The following KIF5A variants were observed in gnomAD, a reference collection of about 807,000 sequenced individuals.
KIF5A encodes kinesin heavy chain isoform 5A.
A neutral mutation model predicts 141.3 loss-of-function variants in KIF5A; 35 were observed. The observed-to-expected ratio is 0.25, with a 90% CI of 0.19 to 0.33. KIF5A has a LOEUF of 0.33. KIF5A is among the 10% of genes least tolerant of loss of function. The pLI is 1.00. For synonymous variants in KIF5A, 448 were observed against 500.2 expected, an observed-to-expected ratio of 0.90 and a Z score of 1.39; for missense variants, 861 against 1,314.3, an observed-to-expected ratio of 0.66 and a Z score of 5.33.
chr12:57,552,491 T>C (rs918457399), intron 1 of KIF5A, among the ~76,000 whole-genome samples: 8 of 152,214 alleles, frequency 5.3e-5, no homozygotes, highest in Admixed American at 5.2e-4. Flanking sequence ...TCCCTCACCC[T>C]AGCCCTCCCT....
Position 57,550,470 on chromosome 12 carries a change from T to G in KIF5A, c.129+70T>G. 1 of 1,542,290 alleles carries G rather than the reference T, an allele frequency of 6.5e-7. No homozygotes were observed. The highest frequency in any genetic ancestry group is 8.9e-7 in the Non-Finnish European group (1 of 1,119,992). On this transcript the variant is annotated intron_variant, in intron 1 of 28. Coordinates refer to ENST00000455537, the MANE Select transcript of KIF5A (RefSeq NM_004984.4). The surrounding 1 kb of genome is among the most constrained non-coding windows in gnomAD (Gnocchi z 4.6). ...GAATCTCCCCGCCCCCCGCAGAGCC[T>G]TAGTCTCTGCTGGTCCCTTTGCTCC...
Position 57,572,877 on chromosome 12 carries a change from T to C in KIF5A, c.1716+151T>C. On this transcript the variant is annotated intron_variant, in intron 15 of 28. Transcript: ENST00000455537. This position sits in a 1 kb window ranked among gnomAD's most constrained non-coding sequence, Gnocchi z 4.2. ...AGACCCAGGAAGACAGGTAGAGGCT[T>C]GTATAGACCCAATTGAAAAGATACA... is the stretch of plus-strand genomic sequence containing the variant. 2 of 952,564 alleles carry C rather than the reference T, an allele frequency of 2.1e-6. No homozygotes were observed. The highest frequency in any genetic ancestry group is 3.7e-5 in the Admixed American group (2 of 53,968). 59.0% of individuals were successfully genotyped at this position (952,564 alleles called of 1,614,324 possible). A position where few individuals can be genotyped will look rare whatever the true frequency, so the allele number is the denominator to read the frequency against.
intron 23 of KIF5A, among the ~76,000 whole-genome samples, chr12:57,578,899 A>C (rs185088300): frequency 2.7e-3 from 415 of 152,236 alleles, no homozygotes; most frequent in Non-Finnish European, 4.4e-3. Context: ...CCCCATCTCT[A>C]CAAAAAATAC....
chr12:57,559,490 T>C (rs943596735), intron 1 of KIF5A, among the ~76,000 whole-genome samples: 6 of 152,190 alleles, frequency 3.9e-5, no homozygotes, highest in African/African-American at 1.4e-4. Context: ...TAATATATTT[T>C]AACATTTAGG....
At position 57,550,812 on chromosome 12, in the gene KIF5A, G is replaced by C. The variant is rs1881548721; in HGVS notation, c.129+412G>C. ...GGAAGGTAAGGCGGAAGACTTTTGG[G>C]TGGATTAGATGGGAGGTGAGCAGTC... is the stretch of plus-strand genomic sequence containing the variant. On this transcript the variant is annotated intron_variant, in intron 1 of 28. Coordinates refer to ENST00000455537, the MANE Select transcript of KIF5A (RefSeq NM_004984.4). The surrounding 1 kb of genome is among the most constrained non-coding windows in gnomAD (Gnocchi z 4.6). 6.6e-6 allele frequency among the ~76,000 whole-genome samples: 1 copy of C among 152,202 alleles called. No individual in the cohort carries two copies. The highest frequency in any genetic ancestry group is 1.9e-4 in the East Asian group (1 of 5,200).
intron 13 of KIF5A, 137 bp downstream of exon 13, chr12:57,571,526 G>C: frequency 2.5e-6 from 2 of 793,898 alleles, no homozygotes; most frequent in Admixed American, 4.8e-5. Context: ...AACAGCAGAA[G>C]TCTGGGAACC....
In KIF5A at chr12:57,564,991, G is replaced by A. The variant is rs2140159719; in HGVS notation, c.501+18G>A. On this transcript the variant is annotated intron_variant, in intron 6 of 28. Transcript: ENST00000455537. ...TTGTCAAGGTGAGAGTGGGTGTGGG[G>A]CACCTATGTGGGGCCAGTGTATTGA... 6.2e-7 allele frequency: 1 copy of A among 1,611,882 alleles called. No individual in the cohort carries two copies. The highest frequency in any genetic ancestry group is 8.5e-7 in the Non-Finnish European group (1 of 1,177,944).
At chr12:57,576,493 A>G in intron 19 of KIF5A, 115 bp downstream of exon 19, 1 of 839,428 alleles carries the variant, frequency 1.2e-6, no homozygotes, top group Non-Finnish European at 2.0e-6. Context: ...TTCCCTCAAC[A>G]ATGCCACAAC....
intron 19 of KIF5A, 60 bp downstream of exon 19, chr12:57,576,438 C>T: frequency 2.4e-6 from 3 of 1,258,808 alleles, no homozygotes; most frequent in Non-Finnish European, 3.5e-6. Flanking sequence ...GCTGTATTGA[C>T]TCACATGTCC....
At chr12:57,576,246 G>A in intron 18 of KIF5A, 23 bp from the exon 19 acceptor site, 1 of 1,613,396 alleles carries the variant, frequency 6.2e-7, no homozygotes, top group Non-Finnish European at 8.5e-7. Context: ...TGGCCTTTGA[G>A]CTTGGGGTGG....
chr12:57,561,705 A>G (rs1198543671), intron 1 of KIF5A, among the ~76,000 whole-genome samples: 3 of 152,378 alleles, frequency 2.0e-5, no homozygotes, highest in South Asian at 2.1e-4. Context: ...ATGCTCGTAC[A>G]TAGTTTAAAA....
intron 8 of KIF5A, 27 bp from the exon 9 acceptor site, chr12:57,568,936 C>T (rs1314351880): frequency 6.5e-7 from 1 of 1,537,796 alleles, no homozygotes; most frequent in Non-Finnish European, 9.0e-7. Context: ...GCTGCTCATA[C>T]ACACTCATCT....
chr12:57,584,980 T>TGGAG lies in KIF5A; in HGVS notation c.*801_*804dup, dbSNP rs1882715242. Reference sequence around the variant, plus strand: ...AGCTGATTTAAAATATTTTGAAAAATGGAGGAGGCAGACTGCTCCCAGCAG... The same window carrying TGGAG: ...AGCTGATTTAAAATATTTTGAAAAATGGAGGGAGGAGGCAGACTGCTCCCAGCAG... On this transcript the variant is annotated 3_prime_UTR_variant, in exon 29 of 29. Coordinates refer to ENST00000455537, the MANE Select transcript of KIF5A (RefSeq NM_004984.4). The TGGAG allele has an allele frequency of 6.6e-6, 1 of 152,154 alleles. No homozygotes were observed. The highest frequency in any genetic ancestry group is 2.4e-5 in the African/African-American group (1 of 41,424). The allele number at this position is 152,154 out of a possible 1,614,324, so 9.4% of individuals were successfully genotyped here. A position where few individuals can be genotyped will look rare whatever the true frequency, so the allele number is the denominator to read the frequency against.
intron 12 of KIF5A, among the ~76,000 whole-genome samples, chr12:57,570,557 C>T (rs1278235284): frequency 6.6e-6 from 1 of 152,166 alleles, no homozygotes; most frequent in Non-Finnish European, 1.5e-5. Flanking sequence ...TGCCACCACG[C>T]CTGGCTAATT....
chr12:57,572,537 G>A lies in KIF5A; in HGVS notation c.1570-43G>A. Reference sequence around the variant, plus strand: ...GCCTCTGCCTGGGCTGGGCAAGGGAGCAGGAGGATGGCAACAGGAATGACC... The same window carrying A: ...GCCTCTGCCTGGGCTGGGCAAGGGAACAGGAGGATGGCAACAGGAATGACC... On this transcript the variant is annotated intron_variant, in intron 14 of 28. Coordinates refer to ENST00000455537, the MANE Select transcript of KIF5A (RefSeq NM_004984.4). This position sits in a 1 kb window ranked among gnomAD's most constrained non-coding sequence, Gnocchi z 4.2. The A allele has an allele frequency of 6.2e-7, 1 of 1,613,724 alleles. No homozygotes were observed. Among genetic ancestry groups the A allele is most frequent in the Non-Finnish European group, 8.5e-7 (1 of 1,179,890 alleles).
Position 57,585,798 on chromosome 12 carries a change from A to C in KIF5A, c.*1617A>C, listed in dbSNP as rs1263777594. ...GTTAGGGAGAACTGCAGGGGGAAAA[A>C]TACCAGTGGAGTGTGGAATAAATCC... On this transcript the variant is annotated 3_prime_UTR_variant, in exon 29 of 29. Coordinates refer to ENST00000455537, the MANE Select transcript of KIF5A (RefSeq NM_004984.4). 6.6e-6 allele frequency: 1 copy of C among 152,234 alleles called. No homozygotes were observed. Among genetic ancestry groups the C allele is most frequent in the African/African-American group, 2.4e-5 (1 of 41,462 alleles). The allele number at this position is 152,234 out of a possible 1,614,324, so 9.4% of individuals were successfully genotyped here.
chr12:57,581,590 T>C, intron 25 of KIF5A, 22 bp downstream of exon 25: 1 of 1,613,244 alleles, frequency 6.2e-7, no homozygotes, highest in Admixed American at 1.7e-5. Context: ...CACGTGTGGG[T>C]TGGAGTCCCA....
chr12:57,567,304 A>C, intron 7 of KIF5A, 91 bp downstream of exon 7: 1 of 1,285,456 alleles, frequency 7.8e-7, no homozygotes, highest in Non-Finnish European at 1.1e-6. Flanking sequence ...GTGAGCAAGG[A>C]AACTGTACCC....
At chr12:57,575,568 T>C in intron 16 of KIF5A, 72 bp from the exon 17 acceptor site, 1 of 1,253,892 alleles carries the variant, frequency 8.0e-7, no homozygotes, top group Non-Finnish European at 1.2e-6. Flanking sequence ...AGAGCTGGAG[T>C]TGGAGATCTG....
Sources: allele counts gnomAD v4.1 joint callset (sites outside exome capture counted in the v4.1 genomes callset), GRCh38; gene constraint gnomAD v4.1.1; non-coding constraint Gnocchi (gnomAD v3.1); transcripts MANE v1.5; gene names NCBI Gene and HGNC (gene_info 2026-07-23, HGNC 2026-07-21).